PCDH15: variants seen among roughly 807,000 people sequenced by gnomAD.
PCDH15 encodes the protein protocadherin related 15, also known as protocadherin-15.
Under a neutral mutation model 178.5 loss-of-function variants are expected in PCDH15, and 129 were observed. That is an observed-to-expected ratio of 0.72 (90% CI 0.63 to 0.84). The LOEUF is 0.84. PCDH15 is among the 40% of genes least tolerant of loss of function. The pLI is 0.00. For missense variants in PCDH15, 2,230 were observed against 2,099.9 expected (o/e 1.06, Z -1.21); for synonymous variants, 800 against 732.0 (o/e 1.09, Z -1.50).
chr10:54,687,346 T>G (rs754354957), intron 1 of PCDH15, among the ~76,000 whole-genome samples: 1 of 152,084 alleles, frequency 6.6e-6, no homozygotes, highest in Non-Finnish European at 1.5e-5. Context: ...TCAGATACAA[T>G]CATATACTAG....
chr10:55,532,250 T>C, intron 2 of PCDH15, among the ~76,000 whole-genome samples: 1 of 151,930 alleles, frequency 6.6e-6, no homozygotes, highest in East Asian at 1.9e-4. Flanking sequence ...TCTTGAGGGG[T>C]TAAGGCAGCT....
intron 2 of PCDH15, among the ~76,000 whole-genome samples, chr10:55,093,692 C>A (rs1320699803): frequency 6.6e-6 from 1 of 151,904 alleles, no homozygotes; most frequent in Non-Finnish European, 1.5e-5. Flanking sequence ...AACAAATTTA[C>A]AAGAAAAAAT....
chr10:54,916,467 A>G (rs1165880011), intron 2 of PCDH15, among the ~76,000 whole-genome samples: 1 of 152,192 alleles, frequency 6.6e-6, no homozygotes, highest in African/African-American at 2.4e-5. Flanking sequence ...ATCTGTCTGA[A>G]TAGCCACATC....
chr10:54,048,524 T>C (rs537832042), intron 18 of PCDH15, among the ~76,000 whole-genome samples: 3 of 152,328 alleles, frequency 2.0e-5, no homozygotes, highest in South Asian at 4.1e-4. Flanking sequence ...AGGATTTTTA[T>C]AGTTTTGCAT....
chr10:55,257,504 T>C (rs1220308535), intron 1 of PCDH15, among the ~76,000 whole-genome samples: 3 of 151,928 alleles, frequency 2.0e-5, no homozygotes, highest in Non-Finnish European at 4.4e-5. Context: ...CTAACTAGAA[T>C]AACCAATGCA....
At chr10:55,410,758 A>G (rs1302508736) in intron 2 of PCDH15, among the ~76,000 whole-genome samples, 3 of 152,118 alleles carry the variant, frequency 2.0e-5, no homozygotes, top group Admixed American at 6.6e-5. Flanking sequence ...GCTGCTCAGT[A>G]ATTAACTCCT....
intron 3 of PCDH15, among the ~76,000 whole-genome samples, chr10:54,417,012 C>A (rs1323310553): frequency 2.6e-5 from 4 of 151,980 alleles, no homozygotes; most frequent in African/African-American, 9.7e-5. Context: ...GTGACTTCTG[C>A]ATGTTAAGCC....
intron 3 of PCDH15, among the ~76,000 whole-genome samples, chr10:54,513,757 T>A (rs188057922): frequency 3.0e-4 from 46 of 152,194 alleles, no homozygotes; most frequent in African/African-American, 1.1e-3. Context: ...GTGAAACTCA[T>A]GTTAATGTTA....
chr10:54,304,298 C>A (rs575738603), intron 8 of PCDH15, among the ~76,000 whole-genome samples: 3 of 152,158 alleles, frequency 2.0e-5, no homozygotes, highest in African/African-American at 7.2e-5. Context: ...TATATACCAA[C>A]AAAAACAAAT....
At chr10:55,558,776 A>C (rs1486463520) in intron 2 of PCDH15, among the ~76,000 whole-genome samples, 4 of 152,074 alleles carry the variant, frequency 2.6e-5, no homozygotes, top group Admixed American at 1.3e-4. Context: ...TCCCCCTCAC[A>C]GATTCCTGAA....
chr10:55,065,614 C>T (rs1841545501), intron 2 of PCDH15, among the ~76,000 whole-genome samples: 1 of 151,986 alleles, frequency 6.6e-6, no homozygotes, highest in Non-Finnish European at 1.5e-5. Context: ...TTACCAATGC[C>T]CTTCTGCCCA....
chr10:55,598,406 G>A (rs187160851), intron 2 of PCDH15, among the ~76,000 whole-genome samples: 4 of 150,570 alleles, frequency 2.7e-5, no homozygotes, highest in African/African-American at 7.3e-5. Context: ...AGGACTTGGC[G>A]GTGCTTTATA....
intron 6 of PCDH15, among the ~76,000 whole-genome samples, chr10:54,344,769 G>A (rs1387924861): frequency 2.0e-5 from 3 of 151,452 alleles, no homozygotes. Flanking sequence ...TTTCTTTGCT[G>A]TTTCTTTGCT....
chr10:54,466,030 C>G (rs890109874), intron 3 of PCDH15, among the ~76,000 whole-genome samples: 1 of 151,808 alleles, frequency 6.6e-6, no homozygotes, highest in Admixed American at 6.6e-5. Context: ...TGTAGGTTCT[C>G]TGTATGTCTT....
At chr10:54,027,485 C>A (rs910449891) in intron 18 of PCDH15, among the ~76,000 whole-genome samples, 2 of 151,500 alleles carry the variant, frequency 1.3e-5, no homozygotes, top group Admixed American at 1.3e-4. Context: ...ATCGCCAAGT[C>A]AATCCTAAGC....
At chr10:54,629,968 T>G (rs1344078273) in intron 2 of PCDH15, among the ~76,000 whole-genome samples, 1 of 151,966 alleles carries the variant, frequency 6.6e-6, no homozygotes, top group African/African-American at 2.4e-5. Flanking sequence ...GGGAGCCAAA[T>G]TAAGATCAAA....
At chr10:54,022,291 A>G (rs2092947134) in intron 19 of PCDH15, among the ~76,000 whole-genome samples, 1 of 152,066 alleles carries the variant, frequency 6.6e-6, no homozygotes, top group African/African-American at 2.4e-5. Context: ...AGATGTCATT[A>G]AAAAGGAGAG....
At chr10:55,237,948 G>A (rs1433032298) in intron 1 of PCDH15, among the ~76,000 whole-genome samples, 1 of 151,512 alleles carries the variant, frequency 6.6e-6, no homozygotes, top group Non-Finnish European at 1.5e-5. Context: ...CTAAAATTTA[G>A]CTTTTAGTTA....
At chr10:54,761,666 T>C (rs1310957844) in intron 1 of PCDH15, among the ~76,000 whole-genome samples, 4 of 151,416 alleles carry the variant, frequency 2.6e-5, no homozygotes, top group Admixed American at 1.3e-4. Flanking sequence ...CTGGGCAACA[T>C]AGCGAGACTC....
Sources: allele counts gnomAD v4.1 joint callset (sites outside exome capture counted in the v4.1 genomes callset), GRCh38; gene constraint gnomAD v4.1.1; transcripts MANE v1.5; gene names NCBI Gene and HGNC (gene_info 2026-07-23, HGNC 2026-07-21).